The following PRKN variants were observed in gnomAD, a reference collection of about 807,000 sequenced individuals.
The protein encoded by PRKN is E3 ubiquitin-protein ligase parkin.
PRKN carries 56 observed loss-of-function variants against 59.5 expected under a neutral mutation model. That is an observed-to-expected ratio of 0.94 (90% confidence interval 0.76 to 1.18). The LOEUF is 1.18. Among genes scored for constraint, PRKN ranks in the 50% most tolerant of loss-of-function variants. The pLI is 0.00. For missense variants in PRKN, 657 were observed against 596.4 expected (o/e 1.10, Z -1.06); for synonymous variants, 250 against 222.1 (o/e 1.13, Z -1.12).
intron 6 of PRKN, among the ~76,000 whole-genome samples, chr6:161,834,349 C>T (rs991113031): frequency 1.4e-4 from 22 of 152,104 alleles, no homozygotes; most frequent in African/African-American, 4.6e-4. Flanking sequence ...CACTCTTAAA[C>T]GGGTCAGGCT....
intron 8 of PRKN, among the ~76,000 whole-genome samples, chr6:161,556,954 C>G (rs1780262065): frequency 6.6e-6 from 1 of 152,098 alleles, no homozygotes; most frequent in African/African-American, 2.4e-5. Context: ...AAATAGTTTG[C>G]AAATTTCTAG....
Position 161,569,357 on chromosome 6 carries a change from G to C in PRKN, c.931C>G (p.Gln311Glu). 3 of 1,612,648 alleles carry C rather than the reference G, an allele frequency of 1.9e-6. No individual in the cohort carries two copies. Among genetic ancestry groups the C allele is most frequent in the Non-Finnish European group, 2.5e-6 (3 of 1,178,700 alleles). Reference sequence around the variant, plus strand: ...CAGCCTTTGAGATGCTCACTCACCTGCTCTTCTCCCAGAATCCTGAAGTGA... The same window carrying C: ...CAGCCTTTGAGATGCTCACTCACCTCCTCTTCTCCCAGAATCCTGAAGTGA... The part of the protein sequence containing the change: ...LHHFRILGEE[Q>E]YNRYQQYGAE... Residue 311 changes from glutamine (Q) to glutamate (E), a missense_variant and splice_region_variant, in exon 8 of 12, where the codon CAG becomes GAG. Physicochemically the swap from Gln to Glu is conservative, Grantham distance 29. Transcript: ENST00000366898.
chr6:162,153,581 A>C (rs1295778548), intron 4 of PRKN, among the ~76,000 whole-genome samples: 5 of 152,184 alleles, frequency 3.3e-5, no homozygotes, highest in African/African-American at 7.2e-5. Flanking sequence ...TGGGTCCTGA[A>C]TTCTTGTCTG....
In PRKN at chr6:162,208,415, A is replaced by T. The variant is rs573263596; in HGVS notation, c.413-7163T>A. Reference sequence around the variant, plus strand: ...TTAAAAGTTATAACTTAATTCTCAAATTTTTGCTGGGGTTTTAAATTAACG... The same window carrying T: ...TTAAAAGTTATAACTTAATTCTCAATTTTTTGCTGGGGTTTTAAATTAACG... On this transcript the variant is annotated intron_variant, in intron 3 of 11. Transcript: ENST00000366898. Among the ~76,000 whole-genome samples the T allele has an allele frequency of 9.9e-5, 15 of 152,276 alleles. No homozygotes were observed. The South Asian group carries it at 3.1e-3, about 32-fold the overall frequency.
intron 5 of PRKN, among the ~76,000 whole-genome samples, chr6:161,995,823 C>T (rs1398856903): frequency 6.6e-6 from 1 of 152,072 alleles, no homozygotes; most frequent in Admixed American, 6.6e-5. Flanking sequence ...TTAGTACAGC[C>T]ATTCTGGAAA....
chr6:162,027,601 C>T (rs1783483888), intron 5 of PRKN, among the ~76,000 whole-genome samples: 1 of 152,174 alleles, frequency 6.6e-6, no homozygotes, highest in South Asian at 2.1e-4. Flanking sequence ...GTTAATCCTT[C>T]CTGACTATGC....
At position 161,590,260 on chromosome 6, in the gene PRKN, C is replaced by T. The variant is rs74968220; in HGVS notation, c.872-20844G>A. 2.6e-3 allele frequency among the ~76,000 whole-genome samples: 403 copies of T among 152,242 alleles called. 1 individual carries two copies. Among genetic ancestry groups the T allele is most frequent in the Non-Finnish European group, 3.8e-3 (261 of 68,024 alleles). On this transcript the variant is annotated intron_variant, in intron 7 of 11. Coordinates refer to ENST00000366898, the MANE Select transcript of PRKN (RefSeq NM_004562.3). ...AATGGGACAAGCTGACACTGTGTGC[C>T]TACTGAGAAGGGTACAACATCCTCC...
At chr6:161,971,812 C>T (rs1780818937) in intron 6 of PRKN, among the ~76,000 whole-genome samples, 1 of 152,086 alleles carries the variant, frequency 6.6e-6, no homozygotes, top group Non-Finnish European at 1.5e-5. Context: ...TTGCTTATCA[C>T]GAAATCACAG....
intron 6 of PRKN, among the ~76,000 whole-genome samples, chr6:161,850,574 CAAA>C (rs10651778): frequency 3.4e-5 from 3 of 88,272 alleles, no homozygotes; most frequent in Admixed American, 1.4e-4. Context: ...GACTACGTCT[CAAA>C]AAAAAAAAAA....
chr6:161,921,738 A>G (rs1778793350), intron 6 of PRKN, among the ~76,000 whole-genome samples: 1 of 152,186 alleles, frequency 6.6e-6, no homozygotes, highest in Non-Finnish European at 1.5e-5. Context: ...AATCATCATC[A>G]GTGTAGCCTG....
chr6:161,494,145 T>G (rs1241999585), intron 9 of PRKN, among the ~76,000 whole-genome samples: 3 of 152,184 alleles, frequency 2.0e-5, no homozygotes, highest in African/African-American at 7.2e-5. Flanking sequence ...ATTTCAAACT[T>G]TCATAATTAT....
rs559811501 is a variant in PRKN at position 161,609,816 on chromosome 6, C to T, written c.872-40400G>A. On this transcript the variant is annotated intron_variant, in intron 7 of 11. Transcript: ENST00000366898. The stretch of plus-strand genomic sequence containing the variant: ...GTCGCAGTGCCTGGGGGCTGGACTA[C>T]GGTTAGAGTTCTCCAGTCACCAAGA... Among the ~76,000 whole-genome samples, 26 of 152,256 alleles carry T rather than the reference C, an allele frequency of 1.7e-4. 1 individual carries two copies. The highest frequency in any genetic ancestry group is 6.2e-4 in the South Asian group (3 of 4,820).
chr6:161,469,547 AAGAGAGAG>A (rs60364166), intron 9 of PRKN, among the ~76,000 whole-genome samples: 1 of 117,824 alleles, frequency 8.5e-6, no homozygotes, highest in African/African-American at 4.0e-5. Context: ...GAACAAGAGA[AAGAGAGAG>A]AGAGAGAGAG....
intron 7 of PRKN, among the ~76,000 whole-genome samples, chr6:161,571,997 CACAG>C (rs1481498234): frequency 6.6e-6 from 1 of 152,144 alleles, no homozygotes; most frequent in African/African-American, 2.4e-5. Context: ...GGCCTTCAGA[CACAG>C]ACTGAATTAG....
chr6:162,261,096 GGGAGA>G (rs991542170), intron 3 of PRKN, among the ~76,000 whole-genome samples: 3 of 152,138 alleles, frequency 2.0e-5, no homozygotes, highest in African/African-American at 7.2e-5. Context: ...AAGGAAGAAA[GGGAGA>G]GGAGAAGACA....
chr6:162,203,221 C>T (rs1343130800), intron 3 of PRKN, among the ~76,000 whole-genome samples: 1 of 152,168 alleles, frequency 6.6e-6, no homozygotes, highest in African/African-American at 2.4e-5. Context: ...AACTTTTCCA[C>T]CTCCGAATGC....
intron 6 of PRKN, among the ~76,000 whole-genome samples, chr6:161,962,086 G>A (rs1238880570): frequency 6.6e-6 from 1 of 152,196 alleles, no homozygotes; most frequent in African/African-American, 2.4e-5. Flanking sequence ...TGCACTCCGG[G>A]TGTCTGAAAC....
chr6:161,373,371 T>C lies in PRKN; in HGVS notation c.1168-13166A>G, dbSNP rs1785517815. Among the ~76,000 whole-genome samples, 1 of 152,146 alleles carries C rather than the reference T, an allele frequency of 6.6e-6. No individual in the cohort carries two copies. Among genetic ancestry groups the C allele is most frequent in the African/African-American group, 2.4e-5 (1 of 41,430 alleles). ...CTAGGCTGAAACTCATGTTTAAGAC[T>C]AGATCTGTTTGACTTCAAGCCCCCT... On this transcript the variant is annotated intron_variant, in intron 10 of 11. Transcript: ENST00000366898. This position sits in a 1 kb window ranked among gnomAD's most constrained non-coding sequence, Gnocchi z 4.8.
intron 4 of PRKN, among the ~76,000 whole-genome samples, chr6:162,066,510 C>T (rs540869973): frequency 3.4e-4 from 52 of 152,260 alleles, no homozygotes; most frequent in Non-Finnish European, 7.1e-4. Context: ...TAATGGAAAG[C>T]GTTTAAGTCA....
Sources: allele counts gnomAD v4.1 joint callset (sites outside exome capture counted in the v4.1 genomes callset), GRCh38; gene constraint gnomAD v4.1.1; non-coding constraint Gnocchi (gnomAD v3.1); transcripts MANE v1.5; gene names NCBI Gene and HGNC (gene_info 2026-07-23, HGNC 2026-07-21).